SLIT2: variants seen among roughly 807,000 people sequenced by gnomAD.
SLIT2 encodes the protein slit guidance ligand 2.
In SLIT2, 41 loss-of-function variants were observed where a neutral mutation model predicts 185.7. That is an observed-to-expected ratio of 0.22 (90% CI 0.17 to 0.29). The LOEUF is 0.29. Among genes scored for constraint, SLIT2 ranks in the 10% least tolerant of loss-of-function variants. SLIT2 has a pLI of 1.00. For synonymous variants in SLIT2, 693 were observed against 680.2 expected (o/e 1.02, Z -0.29); for missense variants, 1,571 against 1,909.0 (o/e 0.82, Z 3.30).
chr4:20,411,272 A>G (rs1727241683), intron 4 of SLIT2, among the ~76,000 whole-genome samples: 1 of 152,200 alleles, frequency 6.6e-6, no homozygotes, highest in South Asian at 2.1e-4. Context: ...CCTTTAATTA[A>G]CTAGCAATAT....
At chr4:20,573,601 T>A (rs1725816601) in intron 29 of SLIT2, among the ~76,000 whole-genome samples, 2 of 152,168 alleles carry the variant, frequency 1.3e-5, no homozygotes, top group Non-Finnish European at 2.9e-5. Flanking sequence ...ATCACAAACA[T>A]ATTATTTTTG....
intron 11 of SLIT2, among the ~76,000 whole-genome samples, chr4:20,518,853 G>A (rs1007993467): frequency 5.3e-5 from 8 of 150,632 alleles, no homozygotes; most frequent in South Asian, 2.1e-4. Flanking sequence ...TGATCCGCCC[G>A]CCTCGGCCTC....
chr4:20,495,090 C>T (rs1050199974), intron 9 of SLIT2, among the ~76,000 whole-genome samples: 5 of 152,124 alleles, frequency 3.3e-5, no homozygotes, highest in Non-Finnish European at 4.4e-5. Flanking sequence ...GCATATTGTT[C>T]TTAGAAGGTT....
At chr4:20,402,793 A>G (rs1412173438) in intron 4 of SLIT2, among the ~76,000 whole-genome samples, 1 of 151,824 alleles carries the variant, frequency 6.6e-6, no homozygotes, top group Non-Finnish European at 1.5e-5. Context: ...TGAATTTTTT[A>G]ATAAAGAATT....
chr4:20,335,972 G>T (rs761804555), intron 4 of SLIT2, among the ~76,000 whole-genome samples: 3 of 152,100 alleles, frequency 2.0e-5, no homozygotes, highest in Non-Finnish European at 4.4e-5. Context: ...GTAGAAAACT[G>T]AGTTTAGCCG....
chr4:20,293,875 A>G (rs1235141445), intron 4 of SLIT2, among the ~76,000 whole-genome samples: 1 of 151,394 alleles, frequency 6.6e-6, no homozygotes, highest in Non-Finnish European at 1.5e-5. Flanking sequence ...GGTCCTCCCA[A>G]GACTCTGTGC....
intron 4 of SLIT2, among the ~76,000 whole-genome samples, chr4:20,304,715 T>G (rs1371791475): frequency 1.3e-5 from 2 of 152,142 alleles, no homozygotes; most frequent in Non-Finnish European, 2.9e-5. Flanking sequence ...TTCCCATCTG[T>G]GCTCCCAGCC....
chr4:20,569,200 G>C, intron 29 of SLIT2, 196 bp downstream of exon 29: 4 of 568,630 alleles, frequency 7.0e-6, no homozygotes, highest in Non-Finnish European at 1.2e-5. Flanking sequence ...AGGAATCTCT[G>C]TTCAAACATA....
intron 29 of SLIT2, among the ~76,000 whole-genome samples, chr4:20,576,828 T>C (rs1486192856): frequency 6.6e-6 from 1 of 152,238 alleles, no homozygotes; most frequent in East Asian, 1.9e-4. Flanking sequence ...TTATTCAATC[T>C]AATTTGAATT....
chr4:20,500,434 C>T (rs1187063745), intron 9 of SLIT2, among the ~76,000 whole-genome samples: 1 of 152,146 alleles, frequency 6.6e-6, no homozygotes, highest in Non-Finnish European at 1.5e-5. Context: ...CAAATCCACT[C>T]ACAAATTAGC....
In SLIT2 at chr4:20,539,455, A is replaced by T. The variant is rs1174192679; in HGVS notation, c.1847A>T (p.Asn616Ile). ...ESLKTLMLRSNRITCVGNDSF... is the reference protein window; with the variant it reads ...ESLKTLMLRSIRITCVGNDSF... The stretch of plus-strand genomic sequence containing the variant: ...TTTCCCCTCAGGATGTTGAGAAGCA[A>T]TCGAATAACCTGTGTGGGGAATGAC... The change falls in exon 19 of 37, where the codon AAT (asparagine) becomes ATT (isoleucine). Residue 616 changes from asparagine (N) to isoleucine (I), a missense_variant. Around this residue, in one of 3 missense-constraint regions of SLIT2, gnomAD observed 1,202 missense variants for 1,416.4 expected, o/e 0.85. Transcript: ENST00000504154. 6.2e-7 allele frequency: 1 copy of T among 1,612,012 alleles called. No homozygotes were observed. Among genetic ancestry groups the T allele is most frequent in the Non-Finnish European group, 8.5e-7 (1 of 1,179,270 alleles).
intron 4 of SLIT2, among the ~76,000 whole-genome samples, chr4:20,463,448 G>GATAGATATATATATATATATATAT (rs1459962322): frequency 7.4e-5 from 5 of 67,310 alleles, no homozygotes; most frequent in Non-Finnish European, 1.2e-4. Context: ...CTCAAACTGT[G>GATAGATATATATATATATATATAT]ATATATATAT....
In SLIT2 at chr4:20,421,731, C is replaced by A. The variant is rs151185728; in HGVS notation, c.396-46021C>A. 1.4e-3 allele frequency among the ~76,000 whole-genome samples: 217 copies of A among 152,262 alleles called. 1 individual carries two copies. The highest frequency in any genetic ancestry group is 4.9e-3 in the African/African-American group (205 of 41,548). ...CCTGTGAGCAAGCTGATAAGTCTTG[C>A]AATTCACTAACATAGCCCATGAAAT... On this transcript the variant is annotated intron_variant, in intron 4 of 36. Transcript: ENST00000504154.
chr4:20,503,247 A>G (rs1299729896), intron 9 of SLIT2, among the ~76,000 whole-genome samples: 1 of 152,194 alleles, frequency 6.6e-6, no homozygotes, highest in Non-Finnish European at 1.5e-5. Context: ...ATGTTATACA[A>G]TGTGGAGAAT....
intron 4 of SLIT2, among the ~76,000 whole-genome samples, chr4:20,448,112 T>A (rs1489864971): frequency 6.6e-6 from 1 of 152,170 alleles, no homozygotes; most frequent in East Asian, 1.9e-4. Flanking sequence ...TTAACTGTCG[T>A]TCATTGTGTT....
intron 29 of SLIT2, among the ~76,000 whole-genome samples, chr4:20,572,549 A>T (rs1343101932): frequency 6.6e-6 from 1 of 152,220 alleles, no homozygotes; most frequent in African/African-American, 2.4e-5. Flanking sequence ...CTGAAATAAC[A>T]TAAACCTAAC....
intron 5 of SLIT2, among the ~76,000 whole-genome samples, chr4:20,469,974 C>T (rs970760139): frequency 1.3e-5 from 2 of 151,734 alleles, no homozygotes; most frequent in Non-Finnish European, 2.9e-5. Flanking sequence ...AGGCTGGTCT[C>T]GAACTCCTGA....
intron 4 of SLIT2, among the ~76,000 whole-genome samples, chr4:20,462,824 G>C (rs1342128160): frequency 6.6e-6 from 1 of 152,036 alleles, no homozygotes; most frequent in Non-Finnish European, 1.5e-5. Context: ...ATTCCACACA[G>C]GTCATAGAAC....
Position 20,493,568 on chromosome 4 carries a change from C to T in SLIT2, c.914+1669C>T, listed in dbSNP as rs61342833. On this transcript the variant is annotated intron_variant, in intron 9 of 36. Transcript: ENST00000504154. ...ATCAAGTTCAAGGTCTTACAAAGGG[C>T]ATGAAGTTGAGGGCAAGGTACGATG... 8.2e-4 allele frequency among the ~76,000 whole-genome samples: 125 copies of T among 152,212 alleles called. 1 individual carries two copies. The highest frequency in any genetic ancestry group is 2.4e-3 in the African/African-American group (100 of 41,546).
Sources: gnomAD v4.1 joint callset for allele counts (sites outside exome capture counted in the v4.1 genomes callset) on GRCh38, gnomAD v4.1.1 for gene constraint, gnomAD v4.1.1 regional missense constraint, MANE v1.5 for transcripts, NCBI Gene and HGNC (gene_info 2026-07-23, HGNC 2026-07-21) for gene names.